Variants in SND1 observed in about 807,000 individuals in gnomAD.
SND1 encodes staphylococcal nuclease domain-containing protein 1.
In SND1, 38 loss-of-function variants were observed where a neutral mutation model predicts 121.7. The observed-to-expected ratio is 0.31, with a 90% CI of 0.24 to 0.41. SND1 has a LOEUF of 0.41. Ranked by LOEUF, SND1 falls within the 10% of genes least tolerant of loss-of-function variation. The pLI is 1.00. For synonymous variants in SND1, 401 were observed against 447.4 expected (o/e 0.90, Z 1.31); for missense variants, 868 against 1,184.6 (o/e 0.73, Z 3.92).
rs185445246 is a variant in SND1 at position 127,881,755 on chromosome 7, T to C, written c.1344-6147T>C. ...GTCAAATGGAAACAATTTTTTTTGT[T>C]TTTGAGACAGTCTCACTCTGTCACC... On this transcript the variant is annotated intron_variant, in intron 12 of 23. Coordinates refer to ENST00000354725, the MANE Select transcript of SND1 (RefSeq NM_014390.4). Among the ~76,000 whole-genome samples the C allele has an allele frequency of 2.9e-4, 44 of 152,238 alleles. No homozygotes were observed. The East Asian group carries it at 8.1e-3, about 28-fold the overall frequency.
At chr7:127,981,320 G>T (rs1802255974) in intron 15 of SND1, among the ~76,000 whole-genome samples, 1 of 152,136 alleles carries the variant, frequency 6.6e-6, no homozygotes, top group African/African-American at 2.4e-5. Flanking sequence ...ATGCCCAGTT[G>T]TTCTTTCTGC....
chr7:127,926,344 T>A (rs1037934904), intron 14 of SND1, among the ~76,000 whole-genome samples: 2 of 152,132 alleles, frequency 1.3e-5, no homozygotes, highest in African/African-American at 4.8e-5. Flanking sequence ...TATAAGAACT[T>A]AATATTCTGT....
intron 11 of SND1, among the ~76,000 whole-genome samples, chr7:127,828,621 T>G (rs559762526): frequency 6.6e-6 from 1 of 152,336 alleles, no homozygotes; most frequent in African/African-American, 2.4e-5. Context: ...TTGGCTTTGT[T>G]CTTCTTTCTT....
At chr7:127,688,493 A>T (rs1290252241) in intron 2 of SND1, among the ~76,000 whole-genome samples, 1 of 150,478 alleles carries the variant, frequency 6.6e-6, no homozygotes, top group African/African-American at 2.5e-5. Context: ...TGATTGCTTG[A>T]GCCCAGGACT....
At chr7:128,038,335 C>T (rs1792789898) in intron 16 of SND1, among the ~76,000 whole-genome samples, 1 of 152,204 alleles carries the variant, frequency 6.6e-6, no homozygotes, top group Non-Finnish European at 1.5e-5. Context: ...TCAGACAGAC[C>T]TGAGTTTAAA....
intron 15 of SND1, among the ~76,000 whole-genome samples, chr7:127,950,126 T>C (rs1219711141): frequency 1.3e-5 from 2 of 152,196 alleles, no homozygotes; most frequent in Admixed American, 1.3e-4. Context: ...GGCCAGAGAA[T>C]TTGCATTTCT....
At chr7:127,804,803 A>G (rs757447641) in intron 10 of SND1, among the ~76,000 whole-genome samples, 2 of 152,106 alleles carry the variant, frequency 1.3e-5, no homozygotes, top group African/African-American at 2.4e-5. Flanking sequence ...TCATAAGGCT[A>G]TGTAAGGTCA....
intron 10 of SND1, among the ~76,000 whole-genome samples, chr7:127,764,661 T>C (rs1797380209): frequency 6.6e-6 from 1 of 152,240 alleles, no homozygotes; most frequent in Non-Finnish European, 1.5e-5. Context: ...ATGCTGTCTT[T>C]TTAAATTTCC....
chr7:127,946,818 T>TA (rs1801339825), intron 15 of SND1, among the ~76,000 whole-genome samples: 1 of 152,212 alleles, frequency 6.6e-6, no homozygotes, highest in African/African-American at 2.4e-5. Flanking sequence ...ATTTTACACT[T>TA]ACAGAAAAGT....
intron 10 of SND1, among the ~76,000 whole-genome samples, chr7:127,776,735 G>A (rs367895370): frequency 6.6e-6 from 1 of 152,188 alleles, no homozygotes; most frequent in African/African-American, 2.4e-5. Context: ...AAGTACAGGG[G>A]TGGTATAAAA....
chr7:127,791,297 T>C (rs1167329885), intron 10 of SND1, among the ~76,000 whole-genome samples: 1 of 151,830 alleles, frequency 6.6e-6, no homozygotes, highest in African/African-American at 2.4e-5. Context: ...TACAGGCACA[T>C]GCCACCACAC....
intron 12 of SND1, among the ~76,000 whole-genome samples, chr7:127,872,401 G>A (rs1406778582): frequency 1.3e-5 from 2 of 152,274 alleles, no homozygotes; most frequent in East Asian, 3.9e-4. Context: ...CAGTACTGAA[G>A]AATAAATACC....
intron 10 of SND1, among the ~76,000 whole-genome samples, chr7:127,752,606 T>A (rs1296222041): frequency 6.6e-6 from 1 of 152,196 alleles, no homozygotes; most frequent in Non-Finnish European, 1.5e-5. Context: ...AAGGGCCAAA[T>A]GATAAATATG....
chr7:128,032,239 C>A (rs866146764), intron 16 of SND1: 1 of 149,508 alleles, frequency 6.7e-6, no homozygotes, highest in African/African-American at 2.4e-5. Context: ...CGGCCGGCGC[C>A]GCGCAGCCCC....
intron 10 of SND1, among the ~76,000 whole-genome samples, chr7:127,752,664 T>C (rs998904122): frequency 6.6e-6 from 1 of 152,242 alleles, no homozygotes; most frequent in African/African-American, 2.4e-5. Flanking sequence ...GTCACAACTA[T>C]TCAACTCTGC....
At chr7:128,048,273 T>C (rs1371074954) in intron 16 of SND1, among the ~76,000 whole-genome samples, 6 of 151,944 alleles carry the variant, frequency 3.9e-5, no homozygotes, top group Non-Finnish European at 7.4e-5. Context: ...TTCTTTTTTT[T>C]TTTTTTTTCC....
intron 13 of SND1, among the ~76,000 whole-genome samples, chr7:127,900,482 T>G (rs115454114): frequency 0.017 from 2,549 of 152,324 alleles, 73 homozygotes; most frequent in African/African-American, 0.058. Context: ...ATGAAATGTG[T>G]GCAGATTCTA....
intron 1 of SND1, among the ~76,000 whole-genome samples, chr7:127,672,491 T>C (rs1795536274): frequency 6.6e-6 from 1 of 151,818 alleles, no homozygotes; most frequent in South Asian, 2.1e-4. Flanking sequence ...GTGCCTGTAG[T>C]CCCAGCTACT....
intron 13 of SND1, among the ~76,000 whole-genome samples, chr7:127,890,753 T>G (rs1799996527): frequency 6.6e-6 from 1 of 152,156 alleles, no homozygotes; most frequent in South Asian, 2.1e-4. Context: ...TTTTTAAGTT[T>G]TAGGTTTTAA....
Sources: allele counts gnomAD v4.1 joint callset (sites outside exome capture counted in the v4.1 genomes callset), GRCh38; gene constraint gnomAD v4.1.1; transcripts MANE v1.5; gene names NCBI Gene and HGNC (gene_info 2026-07-23, HGNC 2026-07-21).